C7: variants seen among roughly 807,000 people sequenced by gnomAD.
C7 encodes the protein complement C7.
In C7, 83 loss-of-function variants were observed where a neutral mutation model predicts 104.8. The observed-to-expected ratio is 0.79, with a 90% CI of 0.66 to 0.95. C7 has a LOEUF of 0.95. Among genes scored for constraint, C7 ranks in the 40% least tolerant of loss-of-function variants. The probability of loss-of-function intolerance (pLI) is 0.00; values close to 1 mark genes in which losing one functional copy is unlikely to be tolerated. For synonymous variants in C7, 415 were observed against 360.6 expected, an observed-to-expected ratio of 1.15 and a Z score of -1.71; for missense variants, 1,070 against 1,011.2, an observed-to-expected ratio of 1.06 and a Z score of -0.79.
chr5:40,944,559 A>G (rs1740006572), intron 6 of C7, among the ~76,000 whole-genome samples: 1 of 152,228 alleles, frequency 6.6e-6, no homozygotes, highest in African/African-American at 2.4e-5. Flanking sequence ...CTTGATCTAA[A>G]GCAAAATAAA....
chr5:40,971,029 AG>A, intron 14 of C7, among the ~76,000 whole-genome samples: 1 of 152,222 alleles, frequency 6.6e-6, no homozygotes, highest in South Asian at 2.1e-4. Context: ...TATTGTAAGT[AG>A]TGCTGCAATA....
Position 40,958,183 on chromosome 5 carries a change from A to C in C7, c.1411A>C (p.Thr471Pro). The C allele has an allele frequency of 6.2e-7, 1 of 1,613,614 alleles. No homozygotes were observed. Among genetic ancestry groups the C allele is most frequent in the Non-Finnish European group, 8.5e-7 (1 of 1,179,708 alleles). The change falls in exon 11 of 18, where the codon ACC becomes CCC. Residue 471 changes from threonine (T) to proline (P), a missense_variant. Thr to Pro is a conservative substitution (Grantham distance 38). Coordinates refer to ENST00000313164, the MANE Select transcript of C7 (RefSeq NM_000587.4). Reference sequence around the variant, plus strand: ...TGGTGGTTTGGCTACTGTTGAGGGGACCCATTGTCTGTGCCATTGCAAACC... The same window carrying C: ...TGGTGGTTTGGCTACTGTTGAGGGGCCCCATTGTCTGTGCCATTGCAAACC... The part of the protein sequence containing the change: ...QNGGLATVEG[T>P]HCLCHCKPYT...
chr5:40,930,718 C>T (rs1044952715), intron 2 of C7, among the ~76,000 whole-genome samples: 2 of 151,374 alleles, frequency 1.3e-5, no homozygotes, highest in African/African-American at 4.9e-5. Context: ...ACGCGCCACC[C>T]TGCCTGGCTA....
chr5:40,958,304 A>C, intron 11 of C7, 43 bp downstream of exon 11: 1 of 1,244,160 alleles, frequency 8.0e-7, no homozygotes, highest in Non-Finnish European at 1.1e-6. Context: ...TACACATTGA[A>C]AGGGAATTAC....
chr5:40,928,859 T>C (rs1378353185), intron 2 of C7, among the ~76,000 whole-genome samples: 2 of 152,200 alleles, frequency 1.3e-5, no homozygotes, highest in Non-Finnish European at 2.9e-5. Context: ...TTTTAAAAAT[T>C]GAAGACTAAA....
intron 1 of C7, among the ~76,000 whole-genome samples, chr5:40,910,320 T>A (rs1006920899): frequency 1.1e-4 from 17 of 152,190 alleles, no homozygotes; most frequent in Non-Finnish European, 4.4e-5. Flanking sequence ...TATTCAAATT[T>A]TATTATTGTA....
At chr5:40,930,040 C>G (rs551508766) in intron 2 of C7, among the ~76,000 whole-genome samples, 33 of 152,088 alleles carry the variant, frequency 2.2e-4, no homozygotes, top group South Asian at 6.2e-4. Context: ...ATGTTTTCAC[C>G]TACCCTCTTA....
At chr5:40,952,478 T>TTTTTTTTATTTATTTATTTATTTA (rs1554043105) in intron 9 of C7, among the ~76,000 whole-genome samples, 10 of 149,316 alleles carry the variant, frequency 6.7e-5, no homozygotes, top group East Asian at 2.0e-4. Flanking sequence ...CTGTAATTCT[T>TTTTTTTTATTTATTTATTTATTTA]TTTATTTATT....
chr5:40,946,601 C>T lies in C7; in HGVS notation c.739-1001C>T, dbSNP rs550102793. On this transcript the variant is annotated intron_variant, in intron 7 of 17. Transcript: ENST00000313164. ...AAGACTTCATTATAAAGTAGCTTCA[C>T]CTGCAAATACCCTAGCATGGGAGAT... 3.3e-5 allele frequency among the ~76,000 whole-genome samples: 5 copies of T among 152,236 alleles called. No homozygotes were observed. The South Asian group carries it at 6.2e-4, about 19-fold the overall frequency.
Position 40,983,941 on chromosome 5 carries a change from C to T in C7, c.*2368C>T, listed in dbSNP as rs1579884676. On this transcript the variant is annotated 3_prime_UTR_variant, in exon 18 of 18. Transcript: ENST00000313164. ...GCTGAGATTAGAGTCATTTGGCCCT[C>T]AGAAGGAACAGACAAAGAGAAGGAA... Among the ~76,000 whole-genome samples, 1 of 152,044 alleles carries T rather than the reference C, an allele frequency of 6.6e-6. No homozygotes were observed. The highest frequency in any genetic ancestry group is 1.9e-4 in the East Asian group (1 of 5,168).
intron 12 of C7, among the ~76,000 whole-genome samples, chr5:40,961,122 AG>A (rs1307428984): frequency 2.0e-5 from 3 of 152,196 alleles, no homozygotes; most frequent in Non-Finnish European, 4.4e-5. Context: ...GCCTTGTGAG[AG>A]GTAGAAGGTG....
At position 40,936,429 on chromosome 5, in the gene C7, G is replaced by A. The variant is rs761808980; in HGVS notation, c.372G>A (p.Arg124=). ...AAGACAGATGTGAGGACTCAGAAAG[G>A]AGACCTTCCTGTGATATCGATAAAC... ...ADEDRCEDSE[R]RPSCDIDKPP... The change falls in exon 5 of 18, where the codon AGG becomes AGA. Residue 124 remains arginine, a synonymous_variant. Coordinates refer to ENST00000313164, the MANE Select transcript of C7 (RefSeq NM_000587.4). 8 of 1,613,384 alleles carry A rather than the reference G, an allele frequency of 5.0e-6. No individual in the cohort carries two copies. Among genetic ancestry groups the A allele is most frequent in the Middle Eastern group, 1.7e-4 (1 of 6,058 alleles).
Position 40,981,771 on chromosome 5 carries a change from T to A in C7, c.*198T>A. 1 of 500,806 alleles carries A rather than the reference T, an allele frequency of 2.0e-6. No individual in the cohort carries two copies. The highest frequency in any genetic ancestry group is 3.5e-6 in the Non-Finnish European group (1 of 285,172). The allele number at this position is 500,806 out of a possible 1,614,324, so 31.0% of individuals were successfully genotyped here. A position where few individuals can be genotyped will look rare whatever the true frequency, so the allele number is the denominator to read the frequency against. On this transcript the variant is annotated 3_prime_UTR_variant, in exon 18 of 18. Coordinates refer to ENST00000313164, the MANE Select transcript of C7 (RefSeq NM_000587.4). ...TCGAATTACTCTTTTGCCTCCTTTT[T>A]AATGTCAGTAAGGATATGAGCCTTT... is the stretch of plus-strand genomic sequence containing the variant.
chr5:40,913,783 G>A (rs1242800576), intron 1 of C7, among the ~76,000 whole-genome samples: 2 of 152,192 alleles, frequency 1.3e-5, no homozygotes, highest in South Asian at 2.1e-4. Context: ...GGGTTCAAGC[G>A]ATTCTCCTGC....
At chr5:40,917,288 C>T (rs1043911717) in intron 1 of C7, among the ~76,000 whole-genome samples, 1 of 152,130 alleles carries the variant, frequency 6.6e-6, no homozygotes, top group Non-Finnish European at 1.5e-5. Flanking sequence ...GCCCCCATGG[C>T]CCTTGGTAAC....
At chr5:40,931,969 A>G (rs895951874) in intron 3 of C7, among the ~76,000 whole-genome samples, 6 of 152,206 alleles carry the variant, frequency 3.9e-5, no homozygotes, top group African/African-American at 1.4e-4. Flanking sequence ...CATCTTGGCC[A>G]GGATGGTCTC....
At chr5:40,955,660 C>A in intron 10 of C7, 107 bp downstream of exon 10, 1 of 893,288 alleles carries the variant, frequency 1.1e-6, no homozygotes, top group Non-Finnish European at 1.7e-6. Context: ...CTGTAATTAG[C>A]ATTTTCCGTA....
Position 40,931,105 on chromosome 5 carries a change from C to T in C7, c.104C>T (p.Pro35Leu), listed in dbSNP as rs1371873384. Residue 35 changes from proline to leucine, a missense_variant, in exon 3 of 18, where the codon CCT becomes CTT. Transcript: ENST00000313164. ...AACTGCCAGTGGGACTTCTATGCCC[C>T]TTGGTCAGAATGCAATGGCTGTACC... ...PVNCQWDFYA[P>L]WSECNGCTKT... 1 of 1,613,626 alleles carries T rather than the reference C, an allele frequency of 6.2e-7. No individual in the cohort carries two copies. The highest frequency in any genetic ancestry group is 1.1e-5 in the South Asian group (1 of 91,054).
At chr5:40,921,942 G>A (rs989606219) in intron 1 of C7, among the ~76,000 whole-genome samples, 11 of 152,112 alleles carry the variant, frequency 7.2e-5, no homozygotes, top group African/African-American at 2.4e-4. Context: ...GGAGACTGAG[G>A]CAGGAGAATG....
Sources: allele counts gnomAD v4.1 joint callset (sites outside exome capture counted in the v4.1 genomes callset), GRCh38; gene constraint gnomAD v4.1.1; transcripts MANE v1.5; gene names NCBI Gene and HGNC (gene_info 2026-07-23, HGNC 2026-07-21).